Variants in PATJ observed in about 807,000 individuals in gnomAD.
PATJ encodes inaD-like protein.
PATJ carries 190 observed loss-of-function variants against 224.9 expected under a neutral mutation model. The observed-to-expected ratio is 0.84, with a 90% CI of 0.75 to 0.95. The LOEUF is 0.95. Ranked by LOEUF, PATJ falls within the 40% of genes least tolerant of loss-of-function variation. PATJ has a pLI of 0.00. For missense variants in PATJ, 2,121 were observed against 2,270.3 expected (o/e 0.93, Z 1.34); for synonymous variants, 769 against 820.3 (o/e 0.94, Z 1.07).
intron 17 of PATJ, among the ~76,000 whole-genome samples, chr1:61,845,495 C>G (rs1002122315): frequency 6.6e-6 from 1 of 152,144 alleles, no homozygotes; most frequent in Non-Finnish European, 1.5e-5. Flanking sequence ...GATCCCTTGC[C>G]TTTACTCCTC....
chr1:61,796,714 CTTTCTTTCTTTTTCTTTCTTTCTTTCT>C (rs1557661217), intron 10 of PATJ, among the ~76,000 whole-genome samples: 7,163 of 34,346 alleles, frequency 0.21, 338 homozygotes, highest in Non-Finnish European at 0.34. Context: ...TTCTTTCTTT[CTTTCTTTCTTTTTCTTTCTTTCTTTCT>C]TTTTTTTCTT....
intron 9 of PATJ, among the ~76,000 whole-genome samples, chr1:61,793,912 T>C (rs1650437311): frequency 9.3e-6 from 1 of 107,884 alleles, no homozygotes; most frequent in Non-Finnish European, 1.9e-5. Context: ...AATTTTTTTT[T>C]TTTTTTTGAG....
intron 17 of PATJ, among the ~76,000 whole-genome samples, chr1:61,847,624 G>T (rs1250031704): frequency 6.6e-6 from 1 of 152,200 alleles, no homozygotes; most frequent in Non-Finnish European, 1.5e-5. Context: ...AGTTAAAAAT[G>T]GAGTTAGATG....
At chr1:62,105,778 A>G (rs1662835409) in intron 33 of PATJ, among the ~76,000 whole-genome samples, 1 of 152,088 alleles carries the variant, frequency 6.6e-6, no homozygotes. Context: ...AGAACTGTAT[A>G]GTGATAAAAT....
At chr1:61,881,601 G>A (rs544718783) in intron 21 of PATJ, among the ~76,000 whole-genome samples, 3 of 151,816 alleles carry the variant, frequency 2.0e-5, no homozygotes, top group Middle Eastern at 6.8e-3. Context: ...TAGTAGAGAC[G>A]GGATTTTGCC....
chr1:61,756,562 A>AGT (rs1299744486), intron 1 of PATJ, among the ~76,000 whole-genome samples: 1 of 85,298 alleles, frequency 1.2e-5, no homozygotes, highest in African/African-American at 4.6e-5. Context: ...AAACCAGGAC[A>AGT]CTTTTTTTTT....
At chr1:61,825,217 T>A (rs1003954842) in intron 15 of PATJ, among the ~76,000 whole-genome samples, 1 of 152,180 alleles carries the variant, frequency 6.6e-6, no homozygotes, top group Non-Finnish European at 1.5e-5. Flanking sequence ...GAAGAAGGCA[T>A]TTTAACAGGC....
chr1:61,914,361 C>G (rs998389504), intron 25 of PATJ, among the ~76,000 whole-genome samples: 2 of 152,092 alleles, frequency 1.3e-5, no homozygotes, highest in African/African-American at 4.8e-5. Flanking sequence ...GAGGCTGAGG[C>G]TGGAGAAGCG....
At chr1:62,052,405 A>C (rs1416992202) in intron 31 of PATJ, among the ~76,000 whole-genome samples, 2 of 151,506 alleles carry the variant, frequency 1.3e-5, no homozygotes, top group Non-Finnish European at 2.9e-5. Context: ...CCCTGGCATG[A>C]AGAGTACTAG....
At chr1:62,033,597 G>T (rs953269789) in intron 29 of PATJ, among the ~76,000 whole-genome samples, 21 of 152,114 alleles carry the variant, frequency 1.4e-4, no homozygotes, top group African/African-American at 5.1e-4. Context: ...TTGAGGGCAG[G>T]GCTGTTAGTA....
intron 30 of PATJ, among the ~76,000 whole-genome samples, chr1:62,041,087 T>C (rs1651399242): frequency 6.6e-6 from 1 of 152,134 alleles, no homozygotes; most frequent in Non-Finnish European, 1.5e-5. Context: ...ACTTTGTCTC[T>C]AGGGGTGGCA....
chr1:62,107,384 C>T (rs1016848487), intron 33 of PATJ, among the ~76,000 whole-genome samples: 12 of 152,126 alleles, frequency 7.9e-5, no homozygotes, highest in African/African-American at 2.4e-4. Flanking sequence ...CAGCACTCTT[C>T]GGTTCTATTA....
intron 27 of PATJ, among the ~76,000 whole-genome samples, chr1:61,951,541 G>T (rs953139353): frequency 1.3e-5 from 2 of 151,948 alleles, no homozygotes; most frequent in Non-Finnish European, 2.9e-5. Flanking sequence ...TCAGGTGTGT[G>T]GGGGGTAGGG....
At chr1:62,013,297 T>G (rs1267074215) in intron 28 of PATJ, 15 of 963,552 alleles carry the variant, frequency 1.6e-5, no homozygotes, top group Non-Finnish European at 1.7e-5. Context: ...ATTTCCTACA[T>G]GCTCAAGCGT....
chr1:61,998,498 A>G (rs1422011006), intron 28 of PATJ, among the ~76,000 whole-genome samples: 1 of 152,200 alleles, frequency 6.6e-6, no homozygotes, highest in Non-Finnish European at 1.5e-5. Context: ...AAGGGCTGGA[A>G]TTACAGATGT....
rs936901453 is a variant in PATJ at position 61,813,596 on chromosome 1, A to G, written c.1683+5066A>G. On this transcript the variant is annotated intron_variant, in intron 14 of 43. Coordinates refer to ENST00000642238, the MANE Select transcript of PATJ (RefSeq NM_001350145.3). ...CTCGGGTTCCAGAAGAGAACAAAGC[A>G]GGAAGAAAAATTCCTGTCCTATAGA... 2.6e-5 allele frequency among the ~76,000 whole-genome samples: 4 copies of G among 151,890 alleles called. No individual in the cohort carries two copies. In the East Asian group the frequency reaches 7.7e-4, roughly 29 times the overall value.
chr1:61,834,914 A>T (rs988436685), intron 17 of PATJ, among the ~76,000 whole-genome samples: 1 of 152,118 alleles, frequency 6.6e-6, no homozygotes, highest in African/African-American at 2.4e-5. Context: ...TTTTTAGTAG[A>T]GATGGGTTTT....
At chr1:61,978,730 A>T (rs1335341924) in intron 27 of PATJ, among the ~76,000 whole-genome samples, 5 of 152,104 alleles carry the variant, frequency 3.3e-5, no homozygotes, top group Non-Finnish European at 5.9e-5. Context: ...TATTTGATGT[A>T]TAGAAGAGTG....
intron 27 of PATJ, among the ~76,000 whole-genome samples, chr1:61,961,421 A>G (rs1004731411): frequency 7.2e-5 from 11 of 152,316 alleles, no homozygotes; most frequent in African/African-American, 2.4e-4. Flanking sequence ...GCCAAAATGG[A>G]TATAACTACA....
Sources: allele counts gnomAD v4.1 joint callset (sites outside exome capture counted in the v4.1 genomes callset), GRCh38; gene constraint gnomAD v4.1.1; transcripts MANE v1.5; gene names NCBI Gene and HGNC (gene_info 2026-07-23, HGNC 2026-07-21).